The following GRM7 variants were observed in gnomAD, a reference collection of about 807,000 sequenced individuals.
GRM7 encodes glutamate metabotropic receptor 7.
A neutral mutation model predicts 84.5 loss-of-function variants in GRM7; 35 were observed. The ratio of observed to expected loss-of-function variants is 0.41; its 90% CI spans 0.32 to 0.55. The LOEUF is 0.55. Among genes scored for constraint, GRM7 ranks in the 20% least tolerant of loss-of-function variants. GRM7 has a pLI of 0.19. For synonymous variants in GRM7, 487 were observed against 455.1 expected (o/e 1.07, Z -0.89); for missense variants, 1,003 against 1,194.6 (o/e 0.84, Z 2.36).
rs1284171876 is a variant in GRM7, at chr3:7,146,649, G to T, written c.717G>T (p.Thr239=). The T allele has an allele frequency of 1.2e-6, 2 of 1,612,490 alleles. No homozygotes were observed. Among genetic ancestry groups the T allele is most frequent in the Admixed American group, 1.7e-5 (1 of 59,962 alleles). ...GAGAGAAAGGTGTGGAGTCCTTCAC[G>T]CAGATTTCCAAAGAGGCAGGTAGGA... The part of the protein sequence containing the change: ...SYGEKGVESF[T]QISKEAGGLC... Residue 239 remains threonine, a synonymous_variant, in exon 2 of 10, where the codon ACG becomes ACT. Transcript: ENST00000357716.
intron 8 of GRM7, among the ~76,000 whole-genome samples, chr3:7,597,010 G>C (rs1035066996): frequency 1.1e-4 from 16 of 152,140 alleles, no homozygotes; most frequent in Admixed American, 8.5e-4. Flanking sequence ...GTTTGGTTTT[G>C]TGACATTTTC....
chr3:7,426,732 A>G (rs4493421), intron 5 of GRM7, among the ~76,000 whole-genome samples: 55,105 of 151,932 alleles, frequency 0.36, 10,746 homozygotes, highest in Non-Finnish European at 0.45. Flanking sequence ...CTGCTCACAT[A>G]TCTGTGGATC....
chr3:7,160,066 G>T (rs1470244807), intron 2 of GRM7, among the ~76,000 whole-genome samples: 1 of 152,108 alleles, frequency 6.6e-6, no homozygotes, highest in African/African-American at 2.4e-5. Flanking sequence ...AGCATTAAAG[G>T]CACACAAACT....
intron 8 of GRM7, chr3:7,608,101 A>C: frequency 4.0e-6 from 1 of 251,652 alleles, no homozygotes; most frequent in Non-Finnish European, 8.6e-6. Flanking sequence ...CATGGTGTGT[A>C]TGTACCACAT....
At chr3:7,229,716 T>G (rs1697098532) in intron 2 of GRM7, among the ~76,000 whole-genome samples, 2 of 25,008 alleles carry the variant, frequency 8.0e-5, no homozygotes, top group East Asian at 3.4e-3. Context: ...CCGCTCTCCA[T>G]AGACACACAC....
intron 1 of GRM7, among the ~76,000 whole-genome samples, chr3:7,120,383 C>T (rs1374010026): frequency 6.6e-6 from 1 of 151,816 alleles, no homozygotes; most frequent in East Asian, 1.9e-4. Flanking sequence ...ATTTGGGGTA[C>T]CCACTCTCTA....
intron 2 of GRM7, among the ~76,000 whole-genome samples, chr3:7,283,708 C>G (rs1699331610): frequency 6.6e-6 from 1 of 152,222 alleles, no homozygotes; most frequent in Non-Finnish European, 1.5e-5. Context: ...AATCACTACA[C>G]AATTATTTCC....
intron 1 of GRM7, among the ~76,000 whole-genome samples, chr3:7,005,831 T>A (rs533684987): frequency 6.6e-6 from 1 of 152,282 alleles, no homozygotes; most frequent in African/African-American, 2.4e-5. Context: ...GACTACCTAT[T>A]TTTACACTAT....
chr3:7,242,052 A>T (rs1252405949), intron 2 of GRM7, among the ~76,000 whole-genome samples: 2 of 152,226 alleles, frequency 1.3e-5, no homozygotes, highest in East Asian at 1.9e-4. Flanking sequence ...GAAACTGAAC[A>T]GTCACTGTTA....
chr3:7,195,355 G>A (rs1695844093), intron 2 of GRM7, among the ~76,000 whole-genome samples: 1 of 152,054 alleles, frequency 6.6e-6, no homozygotes, highest in Admixed American at 6.6e-5. Context: ...AAAACAAATT[G>A]CAATAGAACC....
intron 7 of GRM7, among the ~76,000 whole-genome samples, chr3:7,477,630 G>A (rs751381): frequency 0.074 from 11,237 of 152,192 alleles, 1,352 homozygotes; most frequent in African/African-American, 0.25. Context: ...TCTGAGATGT[G>A]CGTCTTTATT....
chr3:7,637,334 A>T (rs1358733940), intron 8 of GRM7, among the ~76,000 whole-genome samples: 1 of 152,136 alleles, frequency 6.6e-6, no homozygotes, highest in Non-Finnish European at 1.5e-5. Flanking sequence ...CTCCTGAAAG[A>T]TGTGTATTAG....
chr3:7,406,861 A>G (rs1334710556), intron 4 of GRM7, among the ~76,000 whole-genome samples: 1 of 152,180 alleles, frequency 6.6e-6, no homozygotes, highest in Non-Finnish European at 1.5e-5. Flanking sequence ...ATAGCTTTGG[A>G]TATAGGTTGG....
In GRM7 at chr3:7,060,619, T is replaced by C. The variant is rs535920496; in HGVS notation, c.520-85833T>C. 7.2e-5 allele frequency among the ~76,000 whole-genome samples: 11 copies of C among 151,908 alleles called. 1 individual carries two copies. In the South Asian group the frequency reaches 8.3e-4, roughly 11 times the overall value. On this transcript the variant is annotated intron_variant, in intron 1 of 9. Coordinates refer to ENST00000357716, the MANE Select transcript of GRM7 (RefSeq NM_000844.4). ...AAGAATGATAAATTAACTATTGTTA[T>C]GTTAAGCCACTCAAGTTTGGTCATT...
In GRM7 at chr3:6,880,499, A is replaced by T. The variant is rs1486291452; in HGVS notation, c.519+18592A>T. ...TGGAAGAAGTGGACAGAGAATTCTT[A>T]TGGTTCACATATAAACAATATGAAT... On this transcript the variant is annotated intron_variant, in intron 1 of 9. Coordinates refer to ENST00000357716, the MANE Select transcript of GRM7 (RefSeq NM_000844.4). 5.9e-5 allele frequency among the ~76,000 whole-genome samples: 9 copies of T among 152,320 alleles called. No individual in the cohort carries two copies. In the East Asian group the frequency reaches 1.4e-3, roughly 23 times the overall value.
chr3:7,085,015 T>C (rs946800298), intron 1 of GRM7, among the ~76,000 whole-genome samples: 5 of 152,176 alleles, frequency 3.3e-5, no homozygotes, highest in Non-Finnish European at 7.4e-5. Flanking sequence ...AAAGGTGTCA[T>C]GAGCATTTCA....
chr3:7,016,846 A>G (rs1371656720), intron 1 of GRM7, among the ~76,000 whole-genome samples: 1 of 152,166 alleles, frequency 6.6e-6, no homozygotes, highest in Non-Finnish European at 1.5e-5. Context: ...AACTTGCCCA[A>G]TGTCACCCAC....
At chr3:7,558,132 A>G (rs925571243) in intron 7 of GRM7, among the ~76,000 whole-genome samples, 8 of 152,148 alleles carry the variant, frequency 5.3e-5, no homozygotes, top group African/African-American at 1.7e-4. Flanking sequence ...ATATATGACA[A>G]TGTATCTCTT....
chr3:6,896,218 C>T (rs773677016), intron 1 of GRM7, among the ~76,000 whole-genome samples: 11 of 152,114 alleles, frequency 7.2e-5, no homozygotes, highest in African/African-American at 9.7e-5. Flanking sequence ...AGTATTCCCA[C>T]GCCTGCCCCT....
Sources: gnomAD v4.1 joint callset for allele counts (sites outside exome capture counted in the v4.1 genomes callset) on GRCh38, gnomAD v4.1.1 for gene constraint, MANE v1.5 for transcripts, NCBI Gene and HGNC (gene_info 2026-07-23, HGNC 2026-07-21) for gene names.